Variants in KIF19 observed in about 807,000 individuals in gnomAD.
KIF19 encodes the protein kinesin family member 19.
In KIF19, 98 loss-of-function variants were observed where a neutral mutation model predicts 106.6. The observed-to-expected ratio is 0.92, with a 90% CI of 0.78 to 1.09. The LOEUF (loss-of-function observed/expected upper bound fraction) is 1.09. Ranked by LOEUF, KIF19 falls within the 50% of genes least tolerant of loss-of-function variation. The pLI is 0.00. For synonymous variants in KIF19, 516 were observed against 584.2 expected (o/e 0.88, Z 1.68); for missense variants, 1,373 against 1,414.3 (o/e 0.97, Z 0.47).
intron 14 of KIF19, among the ~76,000 whole-genome samples, 180 bp from the exon 15 acceptor site, chr17:74,352,641 C>T (rs999997221): frequency 6.6e-6 from 1 of 152,176 alleles, no homozygotes; most frequent in Non-Finnish European, 1.5e-5. Context: ...CAGGCAGTGC[C>T]ACTGGGGAAG....
Position 74,355,207 on chromosome 17 carries a change from T to A in KIF19, c.2892T>A (p.Ala964=). 6.2e-7 allele frequency: 1 copy of A among 1,610,272 alleles called. No homozygotes were observed. Among genetic ancestry groups the A allele is most frequent in the East Asian group, 2.2e-5 (1 of 44,806 alleles). The change falls in exon 20 of 20, where the codon GCT becomes GCA. Residue 964 remains alanine (A), a synonymous_variant. Transcript: ENST00000389916. ...GCCCGGGGGACTCCTCACCCCTGGC[T>A]GTTCCCCCCAACCCAGGTGGTGGTT... is the stretch of plus-strand genomic sequence containing the variant. The part of the protein sequence containing the change: ...NTGPGDSSPL[A]VPPNPGGGSR...
At chr17:74,333,349 T>A (rs1325198730) in intron 2 of KIF19, among the ~76,000 whole-genome samples, 1 of 150,466 alleles carries the variant, frequency 6.6e-6, no homozygotes, top group East Asian at 2.0e-4. Flanking sequence ...AATCATGCAG[T>A]ATGTGGTCCT....
intron 2 of KIF19, among the ~76,000 whole-genome samples, chr17:74,340,489 G>T (rs1281019576): frequency 1.3e-5 from 2 of 151,890 alleles, no homozygotes; most frequent in Non-Finnish European, 2.9e-5. Flanking sequence ...TACCTTTGGA[G>T]GAAGGGAAGA....
At chr17:74,332,210 T>TTGTGTGTG (rs71157056) in intron 2 of KIF19, among the ~76,000 whole-genome samples, 2 of 108,762 alleles carry the variant, frequency 1.8e-5, no homozygotes, top group African/African-American at 7.2e-5. Flanking sequence ...GTGTGTGTGT[T>TTGTGTGTG]TGTGTGTGTG....
chr17:74,331,263 G>A lies in KIF19; in HGVS notation c.120+2758G>A, dbSNP rs1031583931. 1.3e-5 allele frequency among the ~76,000 whole-genome samples: 2 copies of A among 152,122 alleles called. No homozygotes were observed. The highest frequency in any genetic ancestry group is 6.5e-5 in the Admixed American group (1 of 15,272). On this transcript the variant is annotated intron_variant, in intron 2 of 19. Transcript: ENST00000389916. This position sits in a 1 kb window ranked among gnomAD's most constrained non-coding sequence, Gnocchi z 4.1. ...CTTCTCTGATGGGGCCAGCTGGCCC[G>A]TCAAAGCTCTGTCCTTCCTCCTAAG...
intron 9 of KIF19, chr17:74,348,961 G>C: frequency 1.8e-6 from 1 of 568,424 alleles, no homozygotes; most frequent in Non-Finnish European, 3.1e-6. Context: ...TCAACAACGG[G>C]TGGAGGAATG....
chr17:74,346,370 C>T lies in KIF19; in HGVS notation c.778-8C>T. Reference sequence around the variant, plus strand: ...AGGCCACACGTGTGCCCTTTGCTCGCCCCCTAGACACAGAATCGTGGGCAG... The same window carrying T: ...AGGCCACACGTGTGCCCTTTGCTCGTCCCCTAGACACAGAATCGTGGGCAG... On this transcript the variant is annotated splice_polypyrimidine_tract_variant and splice_region_variant and intron_variant, in intron 7 of 19. Transcript: ENST00000389916. This position sits in a 1 kb window ranked among gnomAD's most constrained non-coding sequence, Gnocchi z 4.6. 6.4e-7 allele frequency: 1 copy of T among 1,568,030 alleles called. No individual in the cohort carries two copies. The highest frequency in any genetic ancestry group is 2.4e-5 in the East Asian group (1 of 41,166).
At position 74,331,080 on chromosome 17, in the gene KIF19, C is replaced by T. The variant is rs1349279166; in HGVS notation, c.120+2575C>T. 6.6e-6 allele frequency among the ~76,000 whole-genome samples: 1 copy of T among 152,160 alleles called. No homozygotes were observed. Among genetic ancestry groups the T allele is most frequent in the Non-Finnish European group, 1.5e-5 (1 of 68,034 alleles). ...TGCCTGGCAAGTAGGAGACAAGATA[C>T]ATGAACCCAGGAAGCAAAATGCACA... On this transcript the variant is annotated intron_variant, in intron 2 of 19. Coordinates refer to ENST00000389916, the MANE Select transcript of KIF19 (RefSeq NM_153209.4). This position sits in a 1 kb window ranked among gnomAD's most constrained non-coding sequence, Gnocchi z 4.1.
chr17:74,352,884 AGT>A lies in KIF19; in HGVS notation c.2048_2049del (p.Val683GlufsTer6). On this transcript the variant is annotated frameshift_variant, in exon 15 of 20. Transcript: ENST00000389916. LOFTEE classifies it high-confidence loss of function. ...TSLTPDSDLE[S>X]VKTLSSDAQH... is the part of the protein sequence containing the mutation. The stretch of plus-strand genomic sequence containing the variant: ...ACTGACCCCAGATTCTGACCTGGAG[AGT>A]GTGAAGACATTGAGCTCTGATGCCC... The A allele has an allele frequency of 2.5e-6, 4 of 1,613,896 alleles. No individual in the cohort carries two copies. The highest frequency in any genetic ancestry group is 3.4e-6 in the Non-Finnish European group (4 of 1,179,836).
chr17:74,353,649 C>T, intron 17 of KIF19, 68 bp downstream of exon 17: 1 of 1,322,518 alleles, frequency 7.6e-7, no homozygotes, highest in Non-Finnish European at 1.1e-6. Context: ...TCACCCAGCT[C>T]AAAGCCCTTT....
At chr17:74,337,341 T>TG (rs67046979) in intron 2 of KIF19, among the ~76,000 whole-genome samples, 31 of 105,250 alleles carry the variant, frequency 2.9e-4, no homozygotes, top group South Asian at 1.0e-3. Flanking sequence ...GCTCACGGGG[T>TG]GGGGGGGGTG....
Position 74,326,249 on chromosome 17 carries a change from C to A in KIF19, c.-101C>A. On this transcript the variant is annotated 5_prime_UTR_variant, in exon 1 of 20. Coordinates refer to ENST00000389916, the MANE Select transcript of KIF19 (RefSeq NM_153209.4). ...TCGGGTTGTCAGGCAGCGCGCGAGGCGGCGGGCAGCTAGCAGCTGGCGGAC... is the reference window on the plus strand; with the variant it reads ...TCGGGTTGTCAGGCAGCGCGCGAGGAGGCGGGCAGCTAGCAGCTGGCGGAC... The A allele has an allele frequency of 9.1e-7, 1 of 1,102,604 alleles. No individual in the cohort carries two copies. The highest frequency in any genetic ancestry group is 1.3e-6 in the Non-Finnish European group (1 of 782,474). The allele number at this position is 1,102,604 out of a possible 1,614,324, so 68.3% of individuals were successfully genotyped here.
intron 14 of KIF19, among the ~76,000 whole-genome samples, 169 bp from the exon 15 acceptor site, chr17:74,352,652 C>G (rs1028758365): frequency 2.0e-5 from 3 of 152,196 alleles, no homozygotes; most frequent in African/African-American, 7.2e-5. Flanking sequence ...ACTGGGGAAG[C>G]CTAGCAGACC....
Position 74,341,938 on chromosome 17 carries a change from G to A in KIF19, c.183G>A (p.Arg61=), listed in dbSNP as rs748630869. 6.2e-7 allele frequency: 1 copy of A among 1,613,656 alleles called. No homozygotes were observed. The highest frequency in any genetic ancestry group is 1.1e-5 in the South Asian group (1 of 91,072). The stretch of plus-strand genomic sequence containing the variant: ...ACATCCTGCGGGCGCATCGCTCCCG[G>A]GAGAAGTCCTACCTGTTCGACGTGG... The part of the protein sequence containing the change: ...PDDILRAHRS[R]EKSYLFDVAF... Residue 61 remains arginine (R), a synonymous_variant, in exon 3 of 20, where the codon CGG becomes CGA. Coordinates refer to ENST00000389916, the MANE Select transcript of KIF19 (RefSeq NM_153209.4).
rs1459851351 is a variant in KIF19, at chr17:74,346,274, T to G, written c.778-104T>G. The G allele has an allele frequency of 7.5e-7, 1 of 1,328,950 alleles. No individual in the cohort carries two copies. The highest frequency in any genetic ancestry group is 1.0e-6 in the Non-Finnish European group (1 of 972,808). 82.3% of individuals were successfully genotyped at this position (1,328,950 alleles called of 1,614,324 possible). On this transcript the variant is annotated intron_variant, in intron 7 of 19. Coordinates refer to ENST00000389916, the MANE Select transcript of KIF19 (RefSeq NM_153209.4). This position sits in a 1 kb window ranked among gnomAD's most constrained non-coding sequence, Gnocchi z 4.6. ...AGGACGGCCACAAGGTCCTTGGGGG[T>G]TTATTACCCAGGATCACCAGGTCAT...
chr17:74,350,575 G>T lies in KIF19; in HGVS notation c.1388G>T (p.Gly463Val). ...TCCCGACACCTGCTCACCATCGCCG[G>T]GTAAGCCCCCCTCCCAGGACCCTCC... ...DTSRHLLTIA[G>V]WKHEKSRRAL... is the part of the protein sequence containing the mutation. Residue 463 changes from glycine to valine, a missense_variant and splice_region_variant, in exon 11 of 20, where the codon GGC (glycine) becomes GTC (valine). Around this residue, in one of 3 missense-constraint regions of KIF19, gnomAD observed 1,020 missense variants for 1,008.2 expected, o/e 1.01. Coordinates refer to ENST00000389916, the MANE Select transcript of KIF19 (RefSeq NM_153209.4). The T allele has an allele frequency of 6.2e-7, 1 of 1,612,712 alleles. No homozygotes were observed. The highest frequency in any genetic ancestry group is 8.5e-7 in the Non-Finnish European group (1 of 1,179,722).
At position 74,354,274 on chromosome 17, in the gene KIF19, C is replaced by A; in HGVS notation, c.2421C>A (p.Arg807=). 6.2e-7 allele frequency: 1 copy of A among 1,608,482 alleles called. No homozygotes were observed. The highest frequency in any genetic ancestry group is 8.5e-7 in the Non-Finnish European group (1 of 1,179,274). The stretch of plus-strand genomic sequence containing the variant: ...ACCTGCTGGCACCCGCGACAGAGCG[C>A]AGCAGCCTGTCCCTGCACTCACTGA... ...GRHLLAPATE[R]SSLSLHSLSE... The change falls in exon 18 of 20, where the codon CGC becomes CGA. Residue 807 remains arginine, a synonymous_variant. Transcript: ENST00000389916.
At position 74,353,590 on chromosome 17, in the gene KIF19, G is replaced by A; in HGVS notation, c.2308+9G>A. On this transcript the variant is annotated intron_variant, in intron 17 of 19. Transcript: ENST00000389916. ...CCCCTTGTCCCACAAAGGTATGTGT[G>A]CCCTCTGCTGCCCGGCCACCTCACC... 3 of 1,606,304 alleles carry A rather than the reference G, an allele frequency of 1.9e-6. No individual in the cohort carries two copies. In the South Asian group the frequency reaches 3.3e-5, roughly 18 times the overall value.
intron 2 of KIF19, among the ~76,000 whole-genome samples, chr17:74,339,568 C>T (rs1032646920): frequency 1.3e-5 from 2 of 150,434 alleles, no homozygotes; most frequent in Non-Finnish European, 3.0e-5. Flanking sequence ...ACCTCCCTCG[C>T]CCCCTTCCCT....
Sources: gnomAD v4.1 joint callset for allele counts (sites outside exome capture counted in the v4.1 genomes callset) on GRCh38, gnomAD v4.1.1 for gene constraint, gnomAD v4.1.1 regional missense constraint, Gnocchi (gnomAD v3.1) non-coding constraint, MANE v1.5 for transcripts, NCBI Gene and HGNC (gene_info 2026-07-23, HGNC 2026-07-21) for gene names.